Variants in EDA observed in about 807,000 individuals in gnomAD.
EDA encodes the protein ectodysplasin A, also known as ectodysplasin-A.
A neutral mutation model predicts 23.6 loss-of-function variants in EDA; 2 were observed. The ratio of observed to expected loss-of-function variants is 0.08; its 90% confidence interval spans 0.03 to 0.27. The LOEUF is 0.27. Among genes scored for constraint, EDA ranks in the 10% least tolerant of loss-of-function variants. The pLI is 1.00. For missense variants in EDA, 229 were observed against 324.2 expected, an observed-to-expected ratio of 0.71 and a Z score of 2.26; for synonymous variants, 131 against 132.0, an observed-to-expected ratio of 0.99 and a Z score of 0.05.
intron 1 of EDA, among the ~76,000 whole-genome samples, chrX:69,624,593 T>C (rs1478554994): frequency 9.0e-6 from 1 of 111,583 alleles, no homozygotes; most frequent in Non-Finnish European, 1.9e-5. Context: ...ATCTCCTTAA[T>C]TCAATATGAG....
chrX:69,635,394 A>C (rs1427477047), intron 1 of EDA, among the ~76,000 whole-genome samples: 1 of 110,410 alleles, frequency 9.1e-6, no homozygotes, highest in Non-Finnish European at 1.9e-5. Flanking sequence ...AGGCAACTTG[A>C]AATCAATTTA....
chrX:69,831,264 ATCT>A (rs2147540184), intron 1 of EDA, among the ~76,000 whole-genome samples: 1 of 111,396 alleles, frequency 9.0e-6, no homozygotes. Flanking sequence ...TGTCCAAGTG[ATCT>A]TCTCGTTCAG....
rs748081595 is a variant in EDA, at chrX:69,631,252, G to A, written c.396+14548G>A. On this transcript the variant is annotated intron_variant, in intron 1 of 7. Transcript: ENST00000374552. ...AAAAATCAACTGGGTGTGGTGGCAC[G>A]CACCTGTAATCCTAGCTACTTGGGA... Among the ~76,000 whole-genome samples the A allele has an allele frequency of 3.2e-3, 347 of 109,029 alleles. 1 individual carries two copies. Among genetic ancestry groups the A allele is most frequent in the Non-Finnish European group, 5.8e-3 (307 of 52,506 alleles). 94.7% of individuals were successfully genotyped at this position (109,029 alleles called of 115,157 possible).
At chrX:69,998,406 G>A (rs1375914900) in intron 2 of EDA, among the ~76,000 whole-genome samples, 1 of 112,359 alleles carries the variant, frequency 8.9e-6, no homozygotes, top group East Asian at 2.8e-4. Flanking sequence ...TGCCTGTACT[G>A]TACACTTATT....
intron 3 of EDA, among the ~76,000 whole-genome samples, chrX:70,026,770 G>C (rs1569404478): frequency 9.0e-6 from 1 of 110,858 alleles, no homozygotes; most frequent in Non-Finnish European, 1.9e-5. Flanking sequence ...AGCTGAGAGA[G>C]TGAAACTTGC....
At chrX:69,656,643 G>C (rs146083223) in intron 1 of EDA, among the ~76,000 whole-genome samples, 3 of 110,913 alleles carry the variant, frequency 2.7e-5, no homozygotes, top group Non-Finnish European at 5.7e-5. Context: ...CAACCCCTGC[G>C]CTCCTCCCTC....
chrX:70,033,701 G>A (rs909331263), intron 7 of EDA, among the ~76,000 whole-genome samples, 173 bp downstream of exon 7: 5 of 110,589 alleles, frequency 4.5e-5, no homozygotes, highest in African/African-American at 1.3e-4. Flanking sequence ...AGAGAGAGGG[G>A]GCCAGCTTCT....
chrX:69,737,537 T>G (rs1448472607), intron 1 of EDA, among the ~76,000 whole-genome samples: 1 of 112,313 alleles, frequency 8.9e-6, no homozygotes, highest in African/African-American at 3.2e-5. Flanking sequence ...TGCCATTGTT[T>G]TCACACATTT....
chrX:69,729,597 C>T (rs1320204193), intron 1 of EDA, among the ~76,000 whole-genome samples: 1 of 111,799 alleles, frequency 8.9e-6, no homozygotes, highest in Non-Finnish European at 1.9e-5. Flanking sequence ...CCAGAATGAA[C>T]CTTTTAAAAC....
intron 1 of EDA, among the ~76,000 whole-genome samples, chrX:69,799,803 T>C (rs1462425743): frequency 3.6e-5 from 2 of 54,956 alleles, no homozygotes; most frequent in African/African-American, 1.5e-4. Flanking sequence ...AAAAACAGTA[T>C]GCAGATTTCT....
intron 1 of EDA, among the ~76,000 whole-genome samples, chrX:69,828,537 C>T (rs771753655): frequency 8.9e-6 from 1 of 112,254 alleles, no homozygotes; most frequent in Non-Finnish European, 1.9e-5. Context: ...CCAAGTGAGG[C>T]AATGCCTCCC....
intron 1 of EDA, among the ~76,000 whole-genome samples, chrX:69,704,731 T>C (rs2011643412): frequency 9.0e-6 from 1 of 111,157 alleles, no homozygotes; most frequent in African/African-American, 3.3e-5. Flanking sequence ...CTGAAAAAGA[T>C]TTTTGAAATT....
chrX:69,705,116 G>T (rs774841164), intron 1 of EDA, among the ~76,000 whole-genome samples: 5 of 108,349 alleles, frequency 4.6e-5, no homozygotes, highest in African/African-American at 1.7e-4. Flanking sequence ...CCAGCTACTC[G>T]GGAGGCTGAG....
At chrX:69,690,700 A>G (rs761491709) in intron 1 of EDA, among the ~76,000 whole-genome samples, 45 of 112,051 alleles carry the variant, frequency 4.0e-4, no homozygotes, top group Non-Finnish European at 7.9e-4. Context: ...GAGTTTGAGA[A>G]GGATGGGTAT....
intron 2 of EDA, among the ~76,000 whole-genome samples, chrX:69,997,429 CAA>C (rs1236257982): frequency 8.9e-6 from 1 of 111,987 alleles, no homozygotes; most frequent in South Asian, 3.8e-4. Flanking sequence ...GCAAATCACT[CAA>C]GAGGTGACTT....
At chrX:69,768,327 C>T (rs370613530) in intron 1 of EDA, among the ~76,000 whole-genome samples, 1 of 111,795 alleles carries the variant, frequency 8.9e-6, no homozygotes, top group African/African-American at 3.2e-5. Flanking sequence ...AATTTTAGCT[C>T]GTACATTTAG....
At chrX:70,010,635 T>G (rs781148587) in intron 2 of EDA, among the ~76,000 whole-genome samples, 1 of 112,092 alleles carries the variant, frequency 8.9e-6, no homozygotes, top group South Asian at 3.8e-4. Context: ...TGGATTAATA[T>G]CTATCATTGT....
rs756361092 is a variant in EDA, at chrX:69,875,231, T to C, written c.397-81796T>C. Among the ~76,000 whole-genome samples the C allele has an allele frequency of 3.6e-5, 4 of 111,997 alleles. No homozygotes were observed. In the East Asian group the frequency reaches 8.4e-4, roughly 24 times the overall value. ...CCTCACAATACCTGACTTTGAACTA[T>C]ACTATAAGGCTATAGTCACCAAAAC... On this transcript the variant is annotated intron_variant, in intron 1 of 7. Coordinates refer to ENST00000374552, the MANE Select transcript of EDA (RefSeq NM_001399.5).
chrX:69,982,720 A>G (rs775438157), intron 2 of EDA, among the ~76,000 whole-genome samples: 151 of 103,210 alleles, frequency 1.5e-3, no homozygotes, highest in Admixed American at 2.9e-3. Flanking sequence ...GTGCTGAAAA[A>G]AATGTATATT....
Sources: allele counts gnomAD v4.1 joint callset (sites outside exome capture counted in the v4.1 genomes callset), GRCh38; gene constraint gnomAD v4.1.1; transcripts MANE v1.5; gene names NCBI Gene and HGNC (gene_info 2026-07-23, HGNC 2026-07-21).